Variants in DOK5 observed in about 807,000 individuals in gnomAD.
DOK5 encodes docking protein 5, also known as downstream of tyrosine kinase 5.
A neutral mutation model predicts 43.3 loss-of-function variants in DOK5; 27 were observed. That is an observed-to-expected ratio of 0.62 (90% CI 0.46 to 0.86). The LOEUF is 0.86. DOK5 is among the 40% of genes least tolerant of loss of function. The pLI is 0.00. For missense variants in DOK5, 373 were observed against 392.9 expected, an observed-to-expected ratio of 0.95 and a Z score of 0.43; for synonymous variants, 146 against 140.1, an observed-to-expected ratio of 1.04 and a Z score of -0.30.
At chr20:54,479,598 G>T (rs1266820952) in intron 1 of DOK5, among the ~76,000 whole-genome samples, 1 of 152,198 alleles carries the variant, frequency 6.6e-6, no homozygotes, top group East Asian at 1.9e-4. Flanking sequence ...CTTGCCCACA[G>T]TGCAAGTTTC....
At chr20:54,609,855 G>C (rs1003225043) in intron 5 of DOK5, among the ~76,000 whole-genome samples, 1 of 152,154 alleles carries the variant, frequency 6.6e-6, no homozygotes, top group East Asian at 1.9e-4. Flanking sequence ...AACTGCATTT[G>C]ATCCATCACA....
intron 1 of DOK5, among the ~76,000 whole-genome samples, chr20:54,514,391 G>C (rs1167653798): frequency 6.6e-6 from 1 of 152,104 alleles, no homozygotes; most frequent in Non-Finnish European, 1.5e-5. Flanking sequence ...GACAGAAGAG[G>C]AATTCCAAGA....
chr20:54,481,501 C>T (rs906716733), intron 1 of DOK5, among the ~76,000 whole-genome samples: 6 of 152,208 alleles, frequency 3.9e-5, no homozygotes, highest in East Asian at 1.9e-4. Context: ...TTCTCCCTCT[C>T]CTTTCCTTCT....
At chr20:54,618,720 A>T (rs963694530) in intron 6 of DOK5, among the ~76,000 whole-genome samples, 52 of 152,006 alleles carry the variant, frequency 3.4e-4, no homozygotes, top group Non-Finnish European at 7.1e-4. Context: ...ATATCTTTTT[A>T]AAAAATCACT....
intron 1 of DOK5, among the ~76,000 whole-genome samples, chr20:54,487,533 G>T (rs1486130172): frequency 6.6e-6 from 1 of 152,162 alleles, no homozygotes; most frequent in Non-Finnish European, 1.5e-5. Context: ...GGAGGTAGGT[G>T]GTGGTACACA....
At chr20:54,602,242 T>G (rs1246186193) in intron 5 of DOK5, among the ~76,000 whole-genome samples, 1 of 152,222 alleles carries the variant, frequency 6.6e-6, no homozygotes, top group Non-Finnish European at 1.5e-5. Flanking sequence ...CACCATTCTG[T>G]GTGGTTTGGG....
intron 2 of DOK5, among the ~76,000 whole-genome samples, chr20:54,565,624 A>G (rs895141508): frequency 6.6e-6 from 1 of 152,218 alleles, no homozygotes; most frequent in African/African-American, 2.4e-5. Flanking sequence ...TTAAGAAAAC[A>G]TAATCTACAT....
At chr20:54,482,954 A>G (rs1981780964) in intron 1 of DOK5, among the ~76,000 whole-genome samples, 4 of 152,214 alleles carry the variant, frequency 2.6e-5, no homozygotes, top group Admixed American at 2.6e-4. Flanking sequence ...TTATGGCCAG[A>G]TAGACTGCAT....
chr20:54,508,384 C>T (rs939232774), intron 1 of DOK5, among the ~76,000 whole-genome samples: 2 of 149,244 alleles, frequency 1.3e-5, no homozygotes, highest in Non-Finnish European at 3.0e-5. Flanking sequence ...ATGACTGTTC[C>T]AGGCAGACAG....
intron 6 of DOK5, among the ~76,000 whole-genome samples, chr20:54,628,197 A>G (rs115320924): frequency 0.012 from 1,850 of 152,172 alleles, 42 homozygotes; most frequent in African/African-American, 0.042. Flanking sequence ...ATGTTCTCTC[A>G]TTGGAGAAAA....
intron 2 of DOK5, among the ~76,000 whole-genome samples, chr20:54,575,208 A>G (rs1985415680): frequency 1.3e-5 from 2 of 152,218 alleles, no homozygotes; most frequent in East Asian, 3.8e-4. Flanking sequence ...TTTACAAAAT[A>G]TGGACTTTTC....
At chr20:54,576,016 A>G (rs1985441866) in intron 2 of DOK5, among the ~76,000 whole-genome samples, 1 of 152,234 alleles carries the variant, frequency 6.6e-6, no homozygotes, top group South Asian at 2.1e-4. Flanking sequence ...TCATGAACAC[A>G]GAGTTCCTGG....
At chr20:54,612,629 G>T (rs905085087) in intron 6 of DOK5, among the ~76,000 whole-genome samples, 2 of 152,166 alleles carry the variant, frequency 1.3e-5, no homozygotes, top group Admixed American at 1.3e-4. Context: ...TGGGACATTG[G>T]TCTCCTTTGG....
chr20:54,534,823 C>A (rs528962465), intron 1 of DOK5, among the ~76,000 whole-genome samples: 1 of 102,928 alleles, frequency 9.7e-6, no homozygotes, highest in Non-Finnish European at 1.8e-5. Flanking sequence ...AAGCATGTTT[C>A]TTTCTTTCTT....
chr20:54,644,718 A>AAAAAAAAAAAAC (rs1555839806), intron 7 of DOK5, among the ~76,000 whole-genome samples: 12 of 142,496 alleles, frequency 8.4e-5, no homozygotes, highest in Admixed American at 3.4e-4. Context: ...AAAAAAAAAA[A>AAAAAAAAAAAAC]AAAAAACAAA....
intron 1 of DOK5, among the ~76,000 whole-genome samples, chr20:54,503,569 T>C (rs1261593282): frequency 2.6e-5 from 4 of 152,318 alleles, no homozygotes. Flanking sequence ...ATTCACTTAC[T>C]ACTTCACTAA....
At chr20:54,508,471 G>A (rs1039991631) in intron 1 of DOK5, among the ~76,000 whole-genome samples, 13 of 151,152 alleles carry the variant, frequency 8.6e-5, no homozygotes, top group African/African-American at 3.2e-4. Context: ...TATCTGGAGG[G>A]TGGAAATAAG....
chr20:54,537,812 G>GTGAAATGAT (rs1984008250), intron 1 of DOK5, among the ~76,000 whole-genome samples: 1 of 145,440 alleles, frequency 6.9e-6, no homozygotes, highest in South Asian at 2.3e-4. Context: ...GTGACTTTAA[G>GTGAAATGAT]TGAAATGATG....
chr20:54,585,006 A>T (rs1985759750), intron 2 of DOK5, among the ~76,000 whole-genome samples: 1 of 152,202 alleles, frequency 6.6e-6, no homozygotes, highest in African/African-American at 2.4e-5. Flanking sequence ...TGACTTGTAA[A>T]TATCTCTGCA....
Sources: allele counts gnomAD v4.1 joint callset (sites outside exome capture counted in the v4.1 genomes callset), GRCh38; gene constraint gnomAD v4.1.1; transcripts MANE v1.5; gene names NCBI Gene and HGNC (gene_info 2026-07-23, HGNC 2026-07-21).